TSPAN5: variants seen among roughly 807,000 people sequenced by gnomAD.
The protein encoded by TSPAN5 is tetraspanin-5.
TSPAN5 carries 10 observed loss-of-function variants against 37.1 expected under a neutral mutation model. The ratio of observed to expected loss-of-function variants is 0.27; its 90% CI spans 0.17 to 0.46. TSPAN5 has a LOEUF of 0.46. Ranked by LOEUF, TSPAN5 falls within the 20% of genes least tolerant of loss-of-function variation. The pLI is 1.00. For synonymous variants in TSPAN5, 110 were observed against 118.9 expected, an observed-to-expected ratio of 0.93 and a Z score of 0.48; for missense variants, 195 against 326.6, an observed-to-expected ratio of 0.60 and a Z score of 3.11.
intron 1 of TSPAN5, among the ~76,000 whole-genome samples, chr4:98,545,288 T>C (rs1049733769): frequency 6.6e-6 from 1 of 152,216 alleles, no homozygotes; most frequent in African/African-American, 2.4e-5. Flanking sequence ...AGAGAAAAAC[T>C]GCTGATACCT....
At chr4:98,509,574 A>G (rs532257144) in intron 1 of TSPAN5, among the ~76,000 whole-genome samples, 10 of 152,224 alleles carry the variant, frequency 6.6e-5, no homozygotes, top group Admixed American at 6.5e-4. Context: ...AGAACTGAAG[A>G]CCCCTTTCTT....
chr4:98,534,778 C>G (rs1754194595), intron 1 of TSPAN5, among the ~76,000 whole-genome samples: 1 of 152,188 alleles, frequency 6.6e-6, no homozygotes, highest in Non-Finnish European at 1.5e-5. Context: ...TAATGCCCTT[C>G]TTTTCTCTTT....
At chr4:98,589,059 C>T (rs1408522067) in intron 1 of TSPAN5, among the ~76,000 whole-genome samples, 2 of 152,188 alleles carry the variant, frequency 1.3e-5, no homozygotes, top group African/African-American at 4.8e-5. Flanking sequence ...GTGTTGGAAC[C>T]AGACTCCACA....
chr4:98,495,838 C>T (rs570994099), intron 2 of TSPAN5, among the ~76,000 whole-genome samples: 2 of 151,894 alleles, frequency 1.3e-5, no homozygotes, highest in African/African-American at 4.8e-5. Context: ...GCAACCCACA[C>T]AGAAAAGAAA....
intron 1 of TSPAN5, among the ~76,000 whole-genome samples, chr4:98,577,934 G>T (rs1047534665): frequency 1.3e-5 from 2 of 152,186 alleles, no homozygotes; most frequent in African/African-American, 4.8e-5. Flanking sequence ...ACTTTTTAGA[G>T]ATCTGTCTAC....
At chr4:98,608,345 A>G (rs556519028) in intron 1 of TSPAN5, among the ~76,000 whole-genome samples, 1 of 152,176 alleles carries the variant, frequency 6.6e-6, no homozygotes, top group Non-Finnish European at 1.5e-5. Context: ...AATGTTTGAC[A>G]TATACTTTCC....
At chr4:98,478,604 C>CA in intron 5 of TSPAN5, 81 bp downstream of exon 5, 1 of 1,587,182 alleles carries the variant, frequency 6.3e-7, no homozygotes, top group South Asian at 1.1e-5. Context: ...AGGGTTCAAC[C>CA]AAAAAATCAC....
At chr4:98,537,915 CCTT>C (rs1754273593) in intron 1 of TSPAN5, among the ~76,000 whole-genome samples, 1 of 152,234 alleles carries the variant, frequency 6.6e-6, no homozygotes, top group Non-Finnish European at 1.5e-5. Flanking sequence ...GTGGGGTTCA[CCTT>C]CTTCCATGCT....
At chr4:98,481,218 C>T (rs948187810) in intron 4 of TSPAN5, among the ~76,000 whole-genome samples, 1 of 152,132 alleles carries the variant, frequency 6.6e-6, no homozygotes, top group Non-Finnish European at 1.5e-5. Flanking sequence ...GTGAGTTAGA[C>T]AGTAGCTAGT....
chr4:98,627,475 T>C (rs1756634364), intron 1 of TSPAN5, among the ~76,000 whole-genome samples: 1 of 151,788 alleles, frequency 6.6e-6, no homozygotes, highest in Non-Finnish European at 1.5e-5. Context: ...AAATGATCTG[T>C]GAATAAAATG....
chr4:98,532,519 G>C (rs530278724), intron 1 of TSPAN5, among the ~76,000 whole-genome samples: 1 of 152,172 alleles, frequency 6.6e-6, no homozygotes, highest in East Asian at 1.9e-4. Flanking sequence ...AGCAATGCTT[G>C]TGATTTTTGT....
intron 1 of TSPAN5, among the ~76,000 whole-genome samples, chr4:98,586,470 C>T (rs752499274): frequency 3.9e-5 from 6 of 152,086 alleles, no homozygotes; most frequent in Admixed American, 6.6e-5. Flanking sequence ...AAAGAAGGCA[C>T]AAATAGGTCT....
At chr4:98,655,299 TTC>T (rs1757272797) in intron 1 of TSPAN5, among the ~76,000 whole-genome samples, 1 of 152,340 alleles carries the variant, frequency 6.6e-6, no homozygotes, top group Admixed American at 6.5e-5. Context: ...TATATACTAC[TTC>T]TGTTATAAAT....
At chr4:98,540,544 G>A (rs1754336554) in intron 1 of TSPAN5, among the ~76,000 whole-genome samples, 1 of 152,084 alleles carries the variant, frequency 6.6e-6, no homozygotes, top group Admixed American at 6.6e-5. Flanking sequence ...CGCCATGTTG[G>A]CCAGGCTGGT....
intron 5 of TSPAN5, among the ~76,000 whole-genome samples, chr4:98,476,791 A>G (rs1752711618): frequency 6.6e-6 from 1 of 152,196 alleles, no homozygotes; most frequent in Non-Finnish European, 1.5e-5. Flanking sequence ...GGAACTGGAG[A>G]CACAGATAAA....
At chr4:98,507,348 T>C (rs935187191) in intron 2 of TSPAN5, among the ~76,000 whole-genome samples, 4 of 152,204 alleles carry the variant, frequency 2.6e-5, no homozygotes, top group Non-Finnish European at 4.4e-5. Flanking sequence ...GGTTTAGTGA[T>C]ATTTATAATC....
chr4:98,577,635 C>T (rs373217260), intron 1 of TSPAN5, among the ~76,000 whole-genome samples: 9 of 152,182 alleles, frequency 5.9e-5, no homozygotes, highest in Admixed American at 2.0e-4. Context: ...GCAGCAATGA[C>T]GAAGCCCTGA....
At chr4:98,561,612 T>TG (rs1240636798) in intron 1 of TSPAN5, among the ~76,000 whole-genome samples, 1 of 152,118 alleles carries the variant, frequency 6.6e-6, no homozygotes, top group African/African-American at 2.4e-5. Flanking sequence ...GTAGGATGGT[T>TG]GGGGTGGATA....
intron 1 of TSPAN5, among the ~76,000 whole-genome samples, chr4:98,654,848 CTTTGT>C (rs778031573): frequency 3.3e-5 from 5 of 151,986 alleles, no homozygotes; most frequent in Non-Finnish European, 7.4e-5. Flanking sequence ...TTTTGTTTTG[CTTTGT>C]TTTGTTTTTT....
Sources: allele counts gnomAD v4.1 joint callset (sites outside exome capture counted in the v4.1 genomes callset), GRCh38; gene constraint gnomAD v4.1.1; transcripts MANE v1.5; gene names NCBI Gene and HGNC (gene_info 2026-07-23, HGNC 2026-07-21).